The following WWOX variants were observed in gnomAD, a reference collection of about 807,000 sequenced individuals.
WWOX encodes WW domain-containing oxidoreductase.
WWOX carries 69 observed loss-of-function variants against 46.2 expected under a neutral mutation model. That is an observed-to-expected ratio of 1.49 (90% confidence interval 1.23 to 1.82). The LOEUF is 1.82. Ranked by LOEUF, WWOX falls within the 40% of genes most tolerant of loss-of-function variation. The probability of loss-of-function intolerance (pLI) is 0.00; values close to 1 mark genes in which losing one functional copy is unlikely to be tolerated. For missense variants in WWOX, 919 were observed against 542.6 expected, an observed-to-expected ratio of 1.69 and a Z score of -6.89; for synonymous variants, 359 against 202.6, an observed-to-expected ratio of 1.77 and a Z score of -6.56.
chr16:79,106,473 C>G (rs1428710922), intron 8 of WWOX: 1 of 151,760 alleles, frequency 6.6e-6, no homozygotes, highest in South Asian at 2.1e-4. Context: ...ACTTTTTGGT[C>G]CCTGAAATAA....
intron 8 of WWOX, among the ~76,000 whole-genome samples, chr16:78,549,711 T>C (rs112538230): frequency 2.6e-5 from 4 of 152,262 alleles, no homozygotes; most frequent in African/African-American, 7.2e-5. Context: ...CTACATATTA[T>C]AGGAATCAAG....
chr16:78,607,616 G>C (rs1341925919), intron 8 of WWOX, among the ~76,000 whole-genome samples: 2 of 151,102 alleles, frequency 1.3e-5, no homozygotes, highest in East Asian at 3.9e-4. Flanking sequence ...CATTCAGCTG[G>C]CGTAAGAGGA....
At position 78,792,304 on chromosome 16, in the gene WWOX, C is replaced by G. The variant is rs114195092; in HGVS notation, c.1056+359552C>G. On this transcript the variant is annotated intron_variant, in intron 8 of 8. Transcript: ENST00000566780. ...TAGGCTGGACTTGGCTGGAGTAACC[C>G]AGCCCCACCTTGGATCTCTCTCCTC... is the stretch of plus-strand genomic sequence containing the variant. 7.2e-3 allele frequency among the ~76,000 whole-genome samples: 1,099 copies of G among 152,282 alleles called. 18 individuals are homozygous for G. The highest frequency in any genetic ancestry group is 0.025 in the African/African-American group (1,038 of 41,562).
At chr16:78,903,903 G>A (rs1348294346) in intron 8 of WWOX, among the ~76,000 whole-genome samples, 1 of 152,140 alleles carries the variant, frequency 6.6e-6, no homozygotes, top group Non-Finnish European at 1.5e-5. Context: ...TACAGAGGTG[G>A]GTCTGAAGGT....
intron 8 of WWOX, among the ~76,000 whole-genome samples, chr16:78,846,738 G>C (rs1597713517): frequency 1.3e-5 from 2 of 152,140 alleles, no homozygotes; most frequent in Admixed American, 1.3e-4. Context: ...GGTACTTTGG[G>C]ACTACTTCTC....
chr16:78,567,458 C>T (rs1015405128), intron 8 of WWOX, among the ~76,000 whole-genome samples: 4 of 140,148 alleles, frequency 2.9e-5, no homozygotes, highest in Admixed American at 2.4e-4. Context: ...GAGGCTGAGA[C>T]AGGAGAATGT....
At chr16:78,500,750 C>T (rs548322693) in intron 8 of WWOX, among the ~76,000 whole-genome samples, 2 of 152,218 alleles carry the variant, frequency 1.3e-5, no homozygotes, top group South Asian at 2.1e-4. Context: ...TCATTTAATT[C>T]GAAAGCTTTT....
At chr16:78,590,160 CTCTGTT>C (rs1228963119) in intron 8 of WWOX, among the ~76,000 whole-genome samples, 2 of 151,844 alleles carry the variant, frequency 1.3e-5, no homozygotes, top group South Asian at 4.2e-4. Context: ...CTCTCTCTCT[CTCTGTT>C]TATTATAGAT....
At chr16:78,938,882 A>G (rs2045795735) in intron 8 of WWOX, among the ~76,000 whole-genome samples, 1 of 152,196 alleles carries the variant, frequency 6.6e-6, no homozygotes, top group Admixed American at 6.5e-5. Flanking sequence ...TGCCAGGGCC[A>G]GCCACGTGGG....
chr16:78,872,103 A>G (rs1413831953), intron 8 of WWOX, among the ~76,000 whole-genome samples: 2 of 152,190 alleles, frequency 1.3e-5, no homozygotes, highest in Non-Finnish European at 2.9e-5. Flanking sequence ...TCCACTTCTA[A>G]TGAGGAATTA....
intron 8 of WWOX, among the ~76,000 whole-genome samples, chr16:78,472,917 G>T (rs72799950): frequency 0.13 from 18,976 of 151,708 alleles, 1,303 homozygotes; most frequent in Non-Finnish European, 0.16. Flanking sequence ...CTTCTTCCCA[G>T]TCTGTGGTTT....
intron 8 of WWOX, among the ~76,000 whole-genome samples, chr16:78,963,284 C>T (rs1400153303): frequency 1.3e-5 from 2 of 151,964 alleles, no homozygotes; most frequent in African/African-American, 2.4e-5. Context: ...GTCTGGGCAA[C>T]ATAGTGAGGC....
At chr16:78,744,748 G>A (rs1207516978) in intron 8 of WWOX, among the ~76,000 whole-genome samples, 3 of 152,018 alleles carry the variant, frequency 2.0e-5, no homozygotes, top group South Asian at 2.1e-4. Flanking sequence ...AGCCTGCACT[G>A]CATTTCTATT....
chr16:78,280,099 G>A (rs2079649402), intron 5 of WWOX, among the ~76,000 whole-genome samples: 1 of 152,226 alleles, frequency 6.6e-6, no homozygotes, highest in Admixed American at 6.5e-5. Flanking sequence ...GCTAATCATG[G>A]CAGGCTCTAC....
chr16:78,465,703 T>G (rs1281072158), intron 8 of WWOX, among the ~76,000 whole-genome samples: 2 of 152,230 alleles, frequency 1.3e-5, no homozygotes, highest in African/African-American at 4.8e-5. Flanking sequence ...TTTAGCATAT[T>G]TCCTTTTAAT....
intron 8 of WWOX, among the ~76,000 whole-genome samples, chr16:78,532,682 G>C (rs554711116): frequency 3.9e-5 from 6 of 152,178 alleles, no homozygotes; most frequent in Non-Finnish European, 7.3e-5. Context: ...GAAGGTGAAA[G>C]GCACATCTCA....
intron 6 of WWOX, among the ~76,000 whole-genome samples, chr16:78,388,446 G>C (rs964605729): frequency 6.6e-6 from 1 of 151,450 alleles, no homozygotes; most frequent in African/African-American, 2.4e-5. Flanking sequence ...AAGAGATCAA[G>C]ACCATCCTGG....
Position 78,129,808 on chromosome 16 carries a change from T to G in WWOX, c.409+14654T>G, listed in dbSNP as rs9929919. Among the ~76,000 whole-genome samples, 1,197 of 152,246 alleles carry G rather than the reference T, an allele frequency of 7.9e-3. 13 individuals carry two copies. Among genetic ancestry groups the G allele is most frequent in the African/African-American group, 0.028 (1,144 of 41,536 alleles). On this transcript the variant is annotated intron_variant, in intron 4 of 8. Coordinates refer to ENST00000566780, the MANE Select transcript of WWOX (RefSeq NM_016373.4). ...TTTTGAAAAATCAGAATGAGTATTGTAGACTAAATGTTTATGTCTTCCCCA... is the reference window on the plus strand; with the variant it reads ...TTTTGAAAAATCAGAATGAGTATTGGAGACTAAATGTTTATGTCTTCCCCA...
chr16:78,312,598 C>T (rs2080269588), intron 5 of WWOX, among the ~76,000 whole-genome samples: 1 of 152,134 alleles, frequency 6.6e-6, no homozygotes, highest in Non-Finnish European at 1.5e-5. Flanking sequence ...TGGTGTCGAA[C>T]TCCTGACCTG....
Sources: gnomAD v4.1 joint callset for allele counts (sites outside exome capture counted in the v4.1 genomes callset) on GRCh38, gnomAD v4.1.1 for gene constraint, MANE v1.5 for transcripts, NCBI Gene and HGNC (gene_info 2026-07-23, HGNC 2026-07-21) for gene names.